CDC5L: variants seen among roughly 807,000 people sequenced by gnomAD.
CDC5L encodes cell division cycle 5-like protein.
CDC5L carries 18 observed loss-of-function variants against 104.1 expected under a neutral mutation model. The observed-to-expected ratio is 0.17, with a 90% CI of 0.12 to 0.26. The LOEUF (loss-of-function observed/expected upper bound fraction) is 0.26, where lower values mean the gene tolerates loss of function less well. Ranked by LOEUF, CDC5L falls within the 10% of genes least tolerant of loss-of-function variation. CDC5L has a pLI of 1.00. For missense variants in CDC5L, 673 were observed against 956.9 expected, an observed-to-expected ratio of 0.70 and a Z score of 3.91; for synonymous variants, 331 against 322.7, an observed-to-expected ratio of 1.03 and a Z score of -0.28.
In CDC5L at chr6:44,430,308, A is replaced by G. The variant is rs150848986; in HGVS notation, c.2091+398A>G. Among the ~76,000 whole-genome samples, 64 of 151,712 alleles carry G rather than the reference A, an allele frequency of 4.2e-4. No homozygotes were observed. In the East Asian group the frequency reaches 0.012, roughly 28 times the overall value. ...ACGAGGAGTTTTCTTTTTATAACAA[A>G]GAGAGTACATTTACAAAACTTAAAT... On this transcript the variant is annotated intron_variant, in intron 14 of 15. Transcript: ENST00000371477.
chr6:44,401,315 TCCGC>T (rs3050256), intron 5 of CDC5L, among the ~76,000 whole-genome samples: 151,031 of 152,156 alleles, frequency 0.99, 74,967 homozygotes, highest in East Asian at 1. Flanking sequence ...TCCCCGTCCG[TCCGC>T]CCGCAGCGTG....
At chr6:44,400,908 T>C (rs1036271814) in intron 5 of CDC5L, among the ~76,000 whole-genome samples, 1 of 152,336 alleles carries the variant, frequency 6.6e-6, no homozygotes, top group East Asian at 1.9e-4. Flanking sequence ...CCAGTCAAAT[T>C]TGGGCTCCTT....
At chr6:44,391,143 ATATT>A (rs1790599723) in intron 2 of CDC5L, among the ~76,000 whole-genome samples, 1 of 145,390 alleles carries the variant, frequency 6.9e-6, no homozygotes, top group African/African-American at 2.6e-5. Context: ...TATATATTAT[ATATT>A]AAACATATTT....
intron 14 of CDC5L, among the ~76,000 whole-genome samples, chr6:44,433,650 C>CGTG (rs1444809623): frequency 6.6e-6 from 1 of 152,088 alleles, no homozygotes; most frequent in African/African-American, 2.4e-5. Flanking sequence ...TTTACTGGCA[C>CGTG]AGTCAACTGT....
chr6:44,431,442 T>A (rs1251763471), intron 14 of CDC5L, among the ~76,000 whole-genome samples: 2 of 152,200 alleles, frequency 1.3e-5, no homozygotes, highest in Non-Finnish European at 2.9e-5. Context: ...GCAGTGTAAT[T>A]GTGATCTAAT....
intron 5 of CDC5L, among the ~76,000 whole-genome samples, chr6:44,398,477 G>C (rs928426415): frequency 6.6e-6 from 1 of 151,526 alleles, no homozygotes. Flanking sequence ...CATTCTTGTA[G>C]AATCTACACA....
intron 8 of CDC5L, among the ~76,000 whole-genome samples, chr6:44,414,391 TGTG>T (rs1791812212): frequency 4.3e-5 from 5 of 116,556 alleles, no homozygotes; most frequent in African/African-American, 1.7e-4. Context: ...CCTGTGTGTG[TGTG>T]TGTGTGTGTG....
chr6:44,396,272 A>T, intron 4 of CDC5L, 69 bp from the exon 5 acceptor site: 1 of 948,870 alleles, frequency 1.1e-6, no homozygotes, highest in Non-Finnish European at 1.6e-6. Context: ...AGTGTCTCTT[A>T]CATACCTTGC....
intron 11 of CDC5L, 90 bp downstream of exon 11, chr6:44,424,673 C>A: frequency 1.6e-6 from 2 of 1,224,176 alleles, no homozygotes; most frequent in Non-Finnish European, 2.4e-6. Flanking sequence ...GTCCCAAGAT[C>A]TCTACCTAGT....
chr6:44,437,525 C>T (rs142476168), intron 14 of CDC5L, among the ~76,000 whole-genome samples: 447 of 152,106 alleles, frequency 2.9e-3, no homozygotes, highest in Non-Finnish European at 3.9e-3. Context: ...GGAACCTTAG[C>T]GCAATATTTG....
At chr6:44,403,160 TAAAAC>T (rs997365237) in intron 5 of CDC5L, among the ~76,000 whole-genome samples, 6 of 152,168 alleles carry the variant, frequency 3.9e-5, no homozygotes, top group Middle Eastern at 3.2e-3. Flanking sequence ...GCCTTGCCGT[TAAAAC>T]AAAACAAAAA....
At position 44,445,641 on chromosome 6, in the gene CDC5L, C is replaced by G; in HGVS notation, c.2092-14C>G. Reference sequence around the variant, plus strand: ...TTCTCATGTATGCTGATGTGATCTTCCCCTGCTCTCCAGATAAACAGGGGT... The same window carrying G: ...TTCTCATGTATGCTGATGTGATCTTGCCCTGCTCTCCAGATAAACAGGGGT... On this transcript the variant is annotated splice_polypyrimidine_tract_variant and intron_variant, in intron 14 of 15. Transcript: ENST00000371477. 2 of 1,593,688 alleles carry G rather than the reference C, an allele frequency of 1.3e-6. No homozygotes were observed. Among genetic ancestry groups the G allele is most frequent in the Non-Finnish European group, 1.7e-6 (2 of 1,162,684 alleles).
intron 9 of CDC5L, among the ~76,000 whole-genome samples, chr6:44,420,252 C>T (rs1022287103): frequency 2.0e-5 from 3 of 152,124 alleles, no homozygotes; most frequent in Non-Finnish European, 4.4e-5. Context: ...CTTCTGAAAA[C>T]CACACAAATT....
intron 8 of CDC5L, among the ~76,000 whole-genome samples, chr6:44,410,848 T>C (rs1204024343): frequency 6.6e-6 from 1 of 152,106 alleles, no homozygotes; most frequent in Non-Finnish European, 1.5e-5. Flanking sequence ...CATTGATCTC[T>C]TTATGAACCT....
intron 8 of CDC5L, among the ~76,000 whole-genome samples, chr6:44,409,971 CTATT>C (rs781395868): frequency 7.6e-4 from 115 of 150,462 alleles, no homozygotes; most frequent in African/African-American, 2.5e-3. Context: ...AAAATTGTAT[CTATT>C]TATGGTGTAC....
chr6:44,447,959 T>C lies in CDC5L; in HGVS notation c.*1248T>C, dbSNP rs1210357744. The stretch of plus-strand genomic sequence containing the variant: ...TGTGGAGGAAATTAAAGTAGGGTGA[T>C]TATGAGATAGTGAATGAGTGGCTAT... On this transcript the variant is annotated 3_prime_UTR_variant, in exon 16 of 16. Transcript: ENST00000371477. 1 of 152,124 alleles carries C rather than the reference T, an allele frequency of 6.6e-6. No homozygotes were observed. Among genetic ancestry groups the C allele is most frequent in the East Asian group, 1.9e-4 (1 of 5,194 alleles). The allele number at this position is 152,124 out of a possible 1,614,324, so 9.4% of individuals were successfully genotyped here. A position where few individuals can be genotyped will look rare whatever the true frequency, so the allele number is the denominator to read the frequency against.
intron 14 of CDC5L, among the ~76,000 whole-genome samples, chr6:44,440,072 C>G (rs1323212911): frequency 6.6e-6 from 1 of 151,988 alleles, no homozygotes; most frequent in Non-Finnish European, 1.5e-5. Context: ...ATTTATTGTT[C>G]AAGTAAATTG....
rs375896127 is a variant in CDC5L, at chr6:44,408,644, C to T, written c.1092+12C>T. The T allele has an allele frequency of 3.2e-6, 5 of 1,567,090 alleles. No individual in the cohort carries two copies. The highest frequency in any genetic ancestry group is 1.7e-4 in the Middle Eastern group (1 of 5,904). ...ACAGAATTCTGCAGGTAACGTGTCA[C>T]GTAGTAGAATGAGGCTTTTACTTTG... On this transcript the variant is annotated intron_variant, in intron 8 of 15. Transcript: ENST00000371477.
chr6:44,387,995 G>C, intron 1 of CDC5L, 127 bp downstream of exon 1: 1 of 801,206 alleles, frequency 1.2e-6, no homozygotes. Context: ...CCCGGGGGCT[G>C]ACCCTTGGGG....
Sources: allele counts gnomAD v4.1 joint callset (sites outside exome capture counted in the v4.1 genomes callset), GRCh38; gene constraint gnomAD v4.1.1; transcripts MANE v1.5; gene names NCBI Gene and HGNC (gene_info 2026-07-23, HGNC 2026-07-21).